The following ZNF475 variants were observed in gnomAD, a reference collection of about 807,000 sequenced individuals.
ZNF475 encodes the protein zinc finger protein 475.
At chr5:122,176,171 A>G in the ZNF475 span, among the ~76,000 whole-genome samples, 1 of 152,162 alleles carries the variant, frequency 6.6e-6, no homozygotes, top group Non-Finnish European at 1.5e-5. Context: ...GCAAATTTGA[A>G]CCTTTCTCTG....
chr5:122,163,071 T>C, the ZNF475 span: 1 of 152,190 alleles, frequency 6.6e-6, no homozygotes, highest in Admixed American at 6.5e-5. Flanking sequence ...CAAGCCTCAG[T>C]TTCTACCATA....
the ZNF475 span, chr5:122,163,292 GA>G: frequency 6.6e-6 from 1 of 152,176 alleles, no homozygotes; most frequent in Non-Finnish European, 1.5e-5. Context: ...GAGAACAAAT[GA>G]AATAAAGCAT....
chr5:122,160,964 G>A, the ZNF475 span, among the ~76,000 whole-genome samples: 7 of 152,138 alleles, frequency 4.6e-5, no homozygotes, highest in African/African-American at 1.4e-4. Flanking sequence ...CTCCAACAAA[G>A]GCAGTGCAAC....
At chr5:122,168,148 G>A in the ZNF475 span, among the ~76,000 whole-genome samples, 10 of 152,132 alleles carry the variant, frequency 6.6e-5, no homozygotes, top group Admixed American at 5.9e-4. Flanking sequence ...AGGTTCAAGC[G>A]ATTCTCCCGC....
At chr5:122,170,575 C>A in the ZNF475 span, among the ~76,000 whole-genome samples, 1 of 152,124 alleles carries the variant, frequency 6.6e-6, no homozygotes, top group Non-Finnish European at 1.5e-5. Context: ...TCTGGGGTCA[C>A]CACACTCCCA....
At chr5:122,164,729 G>A in the ZNF475 span, among the ~76,000 whole-genome samples, 806 of 152,284 alleles carry the variant, frequency 5.3e-3, 5 homozygotes, top group African/African-American at 0.019. Flanking sequence ...TAGGGAGGCT[G>A]CACATCTGGA....
chr5:122,179,142 T>C, the ZNF475 span, among the ~76,000 whole-genome samples: 7 of 152,222 alleles, frequency 4.6e-5, no homozygotes, highest in South Asian at 2.1e-4. Context: ...TACTGTAGTC[T>C]TGTAGTATAG....
At chr5:122,164,557 G>A in the ZNF475 span, among the ~76,000 whole-genome samples, 1 of 152,144 alleles carries the variant, frequency 6.6e-6, no homozygotes, top group Non-Finnish European at 1.5e-5. Flanking sequence ...GGGACCAGGG[G>A]CATGCACACT....
At chr5:122,163,089 G>A in the ZNF475 span, 1 of 152,212 alleles carries the variant, frequency 6.6e-6, no homozygotes, top group South Asian at 2.1e-4. Context: ...ATAAGAGGTT[G>A]GAATGAGAGG....
At chr5:122,179,491 T>A in the ZNF475 span, 1 of 782,614 alleles carries the variant, frequency 1.3e-6, no homozygotes, top group South Asian at 2.1e-5. Context: ...GGTATTTTAT[T>A]CTCTTTGTAG....
chr5:122,173,475 G>C, the ZNF475 span, among the ~76,000 whole-genome samples: 1 of 152,064 alleles, frequency 6.6e-6, no homozygotes, highest in African/African-American at 2.4e-5. Context: ...AACAATGAAG[G>C]GATGGATGCC....
At chr5:122,173,168 A>G in the ZNF475 span, among the ~76,000 whole-genome samples, 1 of 152,178 alleles carries the variant, frequency 6.6e-6, no homozygotes, top group African/African-American at 2.4e-5. Context: ...TAGTGCTAGG[A>G]ATATTTTTTT....
At chr5:122,160,771 T>G in the ZNF475 span, among the ~76,000 whole-genome samples, 1 of 152,292 alleles carries the variant, frequency 6.6e-6, no homozygotes, top group South Asian at 2.1e-4. Context: ...CTAACTTAAT[T>G]TCATATGTCT....
the ZNF475 span, among the ~76,000 whole-genome samples, chr5:122,177,316 T>C: frequency 3.9e-5 from 6 of 152,216 alleles, no homozygotes; most frequent in Non-Finnish European, 8.8e-5. Flanking sequence ...GCGGGCATAA[T>C]AGTGTTAACA....
the ZNF475 span, chr5:122,162,400 C>T: frequency 6.6e-6 from 1 of 152,240 alleles, no homozygotes; most frequent in East Asian, 1.9e-4. Context: ...TTAAAAACAC[C>T]AGAAGTAAAT....
the ZNF475 span, chr5:122,182,625 C>T: frequency 6.5e-7 from 1 of 1,534,834 alleles, no homozygotes; most frequent in Non-Finnish European, 8.7e-7. Context: ...ATCTTGTAAA[C>T]CCAAAGCCGC....
the ZNF475 span, chr5:122,179,623 G>A: frequency 1.3e-6 from 2 of 1,533,920 alleles, no homozygotes; most frequent in Non-Finnish European, 1.7e-6. Flanking sequence ...AAATCTATTA[G>A]CATTCATGAG....
the ZNF475 span, among the ~76,000 whole-genome samples, chr5:122,164,075 A>G: frequency 6.6e-6 from 1 of 152,224 alleles, no homozygotes; most frequent in Admixed American, 6.5e-5. Flanking sequence ...GCTAAAATGC[A>G]AAGATTCCCT....
the ZNF475 span, chr5:122,163,440 A>C: frequency 6.6e-6 from 1 of 152,200 alleles, no homozygotes; most frequent in Non-Finnish European, 1.5e-5. Context: ...TTCACCAAGC[A>C]TGGAGGGAGG....
Sources: allele counts gnomAD v4.1 joint callset (sites outside exome capture counted in the v4.1 genomes callset), GRCh38; gene constraint gnomAD v4.1.1; transcripts MANE v1.5; gene names NCBI Gene and HGNC (gene_info 2026-07-23, HGNC 2026-07-21).